The following KIF24 variants were observed in gnomAD, a reference collection of about 807,000 sequenced individuals.
The protein encoded by KIF24 is kinesin-like protein KIF24.
In KIF24, 81 loss-of-function variants were observed where a neutral mutation model predicts 118.9. The observed-to-expected ratio is 0.68, with a 90% CI of 0.57 to 0.82. The LOEUF is 0.82. Among genes scored for constraint, KIF24 ranks in the 40% least tolerant of loss-of-function variants. The pLI, the probability that KIF24 is intolerant of heterozygous loss-of-function variation, is 0.00. For synonymous variants in KIF24, 599 were observed against 610.0 expected (o/e 0.98, Z 0.27); for missense variants, 1,560 against 1,661.6 (o/e 0.94, Z 1.06).
intron 8 of KIF24, among the ~76,000 whole-genome samples, chr9:34,269,050 A>G (rs1835400689): frequency 6.6e-6 from 1 of 152,236 alleles, no homozygotes; most frequent in African/African-American, 2.4e-5. Flanking sequence ...GACCAGGGGA[A>G]AAGAAGGCAA....
At position 34,253,406 on chromosome 9, in the gene KIF24, T is replaced by C. The variant is rs1032053165; in HGVS notation, c.*974A>G. 2.0e-5 allele frequency: 3 copies of C among 152,204 alleles called. No homozygotes were observed. The highest frequency in any genetic ancestry group is 6.5e-5 in the Admixed American group (1 of 15,268). 9.4% of individuals were successfully genotyped at this position (152,204 alleles called of 1,614,324 possible). ...TAAAAAGATACACAGCAGGCAGAAC[T>C]TGGCTGAAGGTTTGTGTGTGAATTC... is the stretch of plus-strand genomic sequence containing the variant. On this transcript the variant is annotated 3_prime_UTR_variant, in exon 13 of 13. Coordinates refer to ENST00000402558, the MANE Select transcript of KIF24 (RefSeq NM_194313.4).
In KIF24 at chr9:34,255,718, GA is replaced by G; in HGVS notation, c.3872+16del. ...GTGCCAAAGGGGCTCAAGTCTTAGG[GA>G]AAGTGTCCAACTTACTGCGCTTGCT... On this transcript the variant is annotated intron_variant, in intron 11 of 12. Transcript: ENST00000402558. 1.3e-6 allele frequency: 2 copies of G among 1,590,516 alleles called. No individual in the cohort carries two copies. Among genetic ancestry groups the G allele is most frequent in the Non-Finnish European group, 1.7e-6 (2 of 1,167,422 alleles).
rs910860800 is a variant in KIF24, at chr9:34,257,061, T to G, written c.2546A>C (p.Glu849Ala). ...QRATKQRNTL[E>A]NSEDSFFLHQ... ...CAGGAAGAATGAGTCTTCGCTATTCTCCAGGGTGTTCCTTTGCTTTGTGGC... is the reference window on the plus strand; with the variant it reads ...CAGGAAGAATGAGTCTTCGCTATTCGCCAGGGTGTTCCTTTGCTTTGTGGC... The change falls in exon 11 of 13, where the codon GAG (glutamate) becomes GCG (alanine). Residue 849 changes from glutamate to alanine, a missense_variant. By Grantham distance (107) the Glu-to-Ala change is moderately radical. Transcript: ENST00000402558. 1.9e-6 allele frequency: 3 copies of G among 1,613,946 alleles called. No individual in the cohort carries two copies. The highest frequency in any genetic ancestry group is 2.5e-6 in the Non-Finnish European group (3 of 1,179,912).
chr9:34,284,999 A>C (rs1835982943), intron 6 of KIF24, among the ~76,000 whole-genome samples: 1 of 152,180 alleles, frequency 6.6e-6, no homozygotes, highest in Non-Finnish European at 1.5e-5. Context: ...ATTTGTACTT[A>C]CGTTAATAAA....
In KIF24 at chr9:34,256,776, A is replaced by G. The variant is rs1406474236; in HGVS notation, c.2831T>C (p.Val944Ala). ...SLAEKPYCSQ[V>A]DFIYRQERGG... Reference sequence around the variant, plus strand: ...TCTTTCCTGTCTATATATGAAATCTACCTGTGAACAGTATGGCTTCTCTGC... The same window carrying G: ...TCTTTCCTGTCTATATATGAAATCTGCCTGTGAACAGTATGGCTTCTCTGC... Residue 944 changes from valine to alanine, a missense_variant, in exon 11 of 13, where the codon GTA becomes GCA. This residue lies in a region of KIF24 where 591 missense variants were observed against 655.6 expected (regional missense o/e 0.90). Coordinates refer to ENST00000402558, the MANE Select transcript of KIF24 (RefSeq NM_194313.4). The G allele has an allele frequency of 6.2e-7, 1 of 1,613,860 alleles. No homozygotes were observed.
rs1347288685 is a variant in KIF24 at position 34,311,072 on chromosome 9, G to A, written c.275C>T (p.Ser92Phe). ...AAAATTCAGCTGTCTGCGAGGGCCA[G>A]ATCTTAATTCCTGAGATTTGATGCG... ...SLRIKSQELR[S>F]GPRRQLNFDS... Residue 92 changes from serine (S) to phenylalanine (F), a missense_variant, in exon 2 of 13, where the codon TCT becomes TTT. Coordinates refer to ENST00000402558, the MANE Select transcript of KIF24 (RefSeq NM_194313.4). The A allele has an allele frequency of 2.5e-6, 4 of 1,613,892 alleles. No homozygotes were observed. The highest frequency in any genetic ancestry group is 1.1e-5 in the South Asian group (1 of 91,066).
At chr9:34,284,866 T>C (rs964217872) in intron 6 of KIF24, among the ~76,000 whole-genome samples, 2 of 152,108 alleles carry the variant, frequency 1.3e-5, no homozygotes, top group African/African-American at 4.8e-5. Context: ...TTCTGTATAG[T>C]GCTATTTTTC....
At chr9:34,255,665 CA>C in intron 11 of KIF24, 69 bp downstream of exon 11, 1 of 1,376,628 alleles carries the variant, frequency 7.3e-7, no homozygotes, top group Non-Finnish European at 9.9e-7. Flanking sequence ...TTGTCCATGA[CA>C]AAACAGTAAG....
intron 6 of KIF24, chr9:34,282,675 T>C (rs1485676431): frequency 1.3e-5 from 2 of 151,966 alleles, no homozygotes; most frequent in Non-Finnish European, 1.5e-5. Context: ...CTACACTTTC[T>C]ATTCTGAACC....
intron 1 of KIF24, among the ~76,000 whole-genome samples, chr9:34,323,976 G>C (rs1401929900): frequency 6.6e-6 from 1 of 152,100 alleles, no homozygotes; most frequent in African/African-American, 2.4e-5. Flanking sequence ...CCATATATTG[G>C]CTACATAATT....
intron 7 of KIF24, among the ~76,000 whole-genome samples, chr9:34,269,666 G>A (rs550955266): frequency 1.3e-5 from 2 of 151,880 alleles, no homozygotes; most frequent in Non-Finnish European, 2.9e-5. Context: ...TGATCCGCCC[G>A]CCTTGGCCTC....
intron 1 of KIF24, among the ~76,000 whole-genome samples, chr9:34,317,873 T>G (rs1837378954): frequency 6.6e-6 from 1 of 152,174 alleles, no homozygotes; most frequent in South Asian, 2.1e-4. Flanking sequence ...CTTAGGAAAA[T>G]GCATAACCTA....
chr9:34,322,313 G>C (rs1363734469), intron 1 of KIF24, among the ~76,000 whole-genome samples: 1 of 152,014 alleles, frequency 6.6e-6, no homozygotes, highest in Non-Finnish European at 1.5e-5. Context: ...CCAGTACCCA[G>C]TGGTAGTCAC....
At chr9:34,333,543 A>C (rs1436616066), upstream of KIF24, among the ~76,000 whole-genome samples, 2 of 151,396 alleles carry the variant, frequency 1.3e-5, no homozygotes, top group African/African-American at 2.4e-5. Context: ...TAAGACAGGA[A>C]AATTCCTTGA....
chr9:34,333,631 A>G (rs768546977), upstream of KIF24, among the ~76,000 whole-genome samples: 3 of 129,778 alleles, frequency 2.3e-5, no homozygotes, highest in Admixed American at 8.4e-5. Flanking sequence ...TGGATGACAC[A>G]GAGAGACATT....
chr9:34,257,758 T>C lies in KIF24; in HGVS notation c.1849A>G (p.Asn617Asp). The change falls in exon 11 of 13, where the codon AAC (asparagine) becomes GAC (aspartate). Residue 617 changes from asparagine to aspartate, a missense_variant. By Grantham distance (23) the Asn-to-Asp change is conservative. Around this residue, in one of 3 missense-constraint regions of KIF24, gnomAD observed 964 missense variants for 988.0 expected, o/e 0.98. Transcript: ENST00000402558. ...TTAGGTGCAGAAGTAAAAGGAATGT[T>C]GGGTGGGTGGCTGGTCAGAGGATGG... is the stretch of plus-strand genomic sequence containing the variant. Reference protein sequence around the residue: ...KVHPLTSHPPNIPFTSAPKVS... With the variant: ...KVHPLTSHPPDIPFTSAPKVS... 1 of 1,613,940 alleles carries C rather than the reference T, an allele frequency of 6.2e-7. No homozygotes were observed. Among genetic ancestry groups the C allele is most frequent in the Non-Finnish European group, 8.5e-7 (1 of 1,179,862 alleles).
In KIF24 at chr9:34,256,249, C is replaced by A; in HGVS notation, c.3358G>T (p.Asp1120Tyr). ...RHLWLSSSPPDNKPGGDLPAL... is the reference protein window; with the variant it reads ...RHLWLSSSPPYNKPGGDLPAL... ...GGAAGATCACCACCAGGCTTATTATCAGGGGGAGATGAGGACAGCCACAGG... is the reference window on the plus strand; with the variant it reads ...GGAAGATCACCACCAGGCTTATTATAAGGGGGAGATGAGGACAGCCACAGG... Residue 1120 changes from aspartate to tyrosine, a missense_variant, in exon 11 of 13, where the codon GAT (aspartate) becomes TAT (tyrosine). Coordinates refer to ENST00000402558, the MANE Select transcript of KIF24 (RefSeq NM_194313.4). 6.2e-7 allele frequency: 1 copy of A among 1,605,110 alleles called. No individual in the cohort carries two copies. The highest frequency in any genetic ancestry group is 8.5e-7 in the Non-Finnish European group (1 of 1,175,260).
intron 1 of KIF24, among the ~76,000 whole-genome samples, chr9:34,328,634 T>A (rs1837757288): frequency 6.6e-6 from 1 of 152,232 alleles, no homozygotes; most frequent in African/African-American, 2.4e-5. Context: ...CCAATCTATT[T>A]CTTGTAAATT....
At chr9:34,255,655 T>C in intron 11 of KIF24, 80 bp downstream of exon 11, 1 of 1,301,274 alleles carries the variant, frequency 7.7e-7, no homozygotes, top group Non-Finnish European at 1.1e-6. Context: ...TGGCTTCTCT[T>C]TGTCCATGAC....
Sources: gnomAD v4.1 joint callset for allele counts (sites outside exome capture counted in the v4.1 genomes callset) on GRCh38, gnomAD v4.1.1 for gene constraint, gnomAD v4.1.1 regional missense constraint, MANE v1.5 for transcripts, NCBI Gene and HGNC (gene_info 2026-07-23, HGNC 2026-07-21) for gene names.